SPTBN1: variants seen among roughly 807,000 people sequenced by gnomAD.
SPTBN1 encodes spectrin beta, non-erythrocytic 1.
A neutral mutation model predicts 266.4 loss-of-function variants in SPTBN1; 32 were observed. The ratio of observed to expected loss-of-function variants is 0.12; its 90% CI spans 0.09 to 0.16. SPTBN1 has a LOEUF of 0.16. Among genes scored for constraint, SPTBN1 ranks in the 10% least tolerant of loss-of-function variants. The pLI is 1.00. For missense variants in SPTBN1, 2,296 were observed against 3,067.1 expected, an observed-to-expected ratio of 0.75 and a Z score of 5.94; for synonymous variants, 1,336 against 1,162.2, an observed-to-expected ratio of 1.15 and a Z score of -3.04.
At chr2:54,522,928 T>G (rs1343763817) in intron 1 of SPTBN1, among the ~76,000 whole-genome samples, 1 of 152,094 alleles carries the variant, frequency 6.6e-6, no homozygotes, top group Non-Finnish European at 1.5e-5. Context: ...GGGAGAGGCA[T>G]GCCTTGCTTG....
intron 2 of SPTBN1, among the ~76,000 whole-genome samples, chr2:54,528,875 G>A (rs1021434507): frequency 1.3e-5 from 2 of 152,104 alleles, no homozygotes; most frequent in African/African-American, 4.8e-5. Flanking sequence ...ATACTGGATG[G>A]GGGGGCAGGA....
intron 3 of SPTBN1, among the ~76,000 whole-genome samples, chr2:54,603,552 G>T (rs1412895144): frequency 6.6e-6 from 1 of 152,090 alleles, no homozygotes; most frequent in Non-Finnish European, 1.5e-5. Context: ...TTCCCATGGA[G>T]CCCTTAGGAG....
intron 1 of SPTBN1, among the ~76,000 whole-genome samples, chr2:54,486,746 AAAAG>A (rs1668417495): frequency 6.6e-6 from 1 of 152,024 alleles, no homozygotes; most frequent in Non-Finnish European, 1.5e-5. Context: ...TAAAAAAAAA[AAAAG>A]AAAATCTAAG....
chr2:54,470,122 G>C (rs1573213425), intron 1 of SPTBN1, among the ~76,000 whole-genome samples: 1 of 152,176 alleles, frequency 6.6e-6, no homozygotes. Flanking sequence ...TCTGACATAG[G>C]TTTCATCCTA....
At chr2:54,589,728 T>G (rs540186278) in intron 2 of SPTBN1, among the ~76,000 whole-genome samples, 1 of 152,368 alleles carries the variant, frequency 6.6e-6, no homozygotes, top group South Asian at 2.1e-4. Context: ...TTCCTGTTGC[T>G]GCCTCAAGAT....
At position 54,656,052 on chromosome 2, in the gene SPTBN1, C is replaced by T. The variant is rs187988531; in HGVS notation, c.6046+54C>T. ...TTTGGGTATCAATGGAAAACATGCA[C>T]GTTTATTTTCTTGCTTTAATTCATT... is the stretch of plus-strand genomic sequence containing the variant. On this transcript the variant is annotated intron_variant, in intron 29 of 35. Coordinates refer to ENST00000356805, the MANE Select transcript of SPTBN1 (RefSeq NM_003128.3). The T allele has an allele frequency of 4.5e-4, 648 of 1,452,636 alleles. 3 individuals carry two copies. The African/African-American group carries it at 6.6e-3, about 15-fold the overall frequency. The allele number at this position is 1,452,636 out of a possible 1,614,324, so 90.0% of individuals were successfully genotyped here.
chr2:54,558,759 G>T lies in SPTBN1; in HGVS notation c.148+32193G>T. On this transcript the variant is annotated intron_variant, in intron 2 of 35. Coordinates refer to ENST00000356805, the MANE Select transcript of SPTBN1 (RefSeq NM_003128.3). This position sits in a 1 kb window ranked among gnomAD's most constrained non-coding sequence, Gnocchi z 4.6. Reference sequence around the variant, plus strand: ...CGAGATTTCCAGGGCGCAGTCCTCCGGGGCGTTACGCCGGGCATAATGGAA... The same window carrying T: ...CGAGATTTCCAGGGCGCAGTCCTCCTGGGCGTTACGCCGGGCATAATGGAA... The T allele has an allele frequency of 6.2e-7, 1 of 1,609,344 alleles. No homozygotes were observed. Among genetic ancestry groups the T allele is most frequent in the East Asian group, 2.2e-5 (1 of 44,498 alleles).
At chr2:54,565,052 A>T (rs957860418) in intron 2 of SPTBN1, among the ~76,000 whole-genome samples, 1 of 152,002 alleles carries the variant, frequency 6.6e-6, no homozygotes, top group Non-Finnish European at 1.5e-5. Context: ...TCATCTGGGA[A>T]TTGGCTAGAA....
chr2:54,554,073 T>G lies in SPTBN1; in HGVS notation c.148+27507T>G, dbSNP rs1672729041. Among the ~76,000 whole-genome samples the G allele has an allele frequency of 6.6e-6, 1 of 152,214 alleles. No homozygotes were observed. On this transcript the variant is annotated intron_variant, in intron 2 of 35. Transcript: ENST00000356805. This position sits in a 1 kb window ranked among gnomAD's most constrained non-coding sequence, Gnocchi z 4.5. The stretch of plus-strand genomic sequence containing the variant: ...GCTCTAGGTGAACTAGCAGAGCATG[T>G]GCCTAATCCTGACTCAAAACTAAAT...
intron 1 of SPTBN1, among the ~76,000 whole-genome samples, chr2:54,524,565 A>G (rs1027462363): frequency 2.0e-5 from 3 of 152,140 alleles, no homozygotes; most frequent in Non-Finnish European, 1.5e-5. Context: ...TCATTTCTGG[A>G]GTAGCCTCCC....
At chr2:54,481,403 T>A (rs1332793856) in intron 1 of SPTBN1, among the ~76,000 whole-genome samples, 85 of 82,990 alleles carry the variant, frequency 1.0e-3, no homozygotes, top group African/African-American at 4.7e-3. Flanking sequence ...TGTGTGTGTG[T>A]GTGTGTGTGT....
intron 2 of SPTBN1, among the ~76,000 whole-genome samples, chr2:54,585,943 G>C (rs1444621188): frequency 1.3e-5 from 2 of 152,192 alleles, no homozygotes; most frequent in African/African-American, 4.8e-5. Context: ...ATTACTTCCT[G>C]AATGAAGAAT....
At chr2:54,471,362 C>T (rs753466778) in intron 1 of SPTBN1, among the ~76,000 whole-genome samples, 33 of 152,134 alleles carry the variant, frequency 2.2e-4, no homozygotes, top group Non-Finnish European at 3.8e-4. Flanking sequence ...TTTCTTTGGG[C>T]AGTAAGGCAT....
At chr2:54,615,995 T>C (rs903927735) in intron 4 of SPTBN1, among the ~76,000 whole-genome samples, 5 of 152,224 alleles carry the variant, frequency 3.3e-5, no homozygotes, top group African/African-American at 7.2e-5. Context: ...CCCGTCAGCC[T>C]TCTGTCTGTG....
intron 2 of SPTBN1, among the ~76,000 whole-genome samples, chr2:54,538,143 A>G (rs1410239525): frequency 6.6e-6 from 1 of 152,276 alleles, no homozygotes; most frequent in African/African-American, 2.4e-5. Context: ...AAGGAGCCCA[A>G]TAATGGACAG....
At position 54,659,925 on chromosome 2, in the gene SPTBN1, T is replaced by G; in HGVS notation, c.6357-11T>G. 6.2e-7 allele frequency: 1 copy of G among 1,612,830 alleles called. No individual in the cohort carries two copies. Among genetic ancestry groups the G allele is most frequent in the Non-Finnish European group, 8.5e-7 (1 of 1,179,084 alleles). On this transcript the variant is annotated splice_polypyrimidine_tract_variant and intron_variant, in intron 31 of 35. Coordinates refer to ENST00000356805, the MANE Select transcript of SPTBN1 (RefSeq NM_003128.3). ...CCTTTCCCTTCCTCCTTTTCCCCTC[T>G]TCCCTAACAGGGATACTTCAAAAGG...
At position 54,568,329 on chromosome 2, in the gene SPTBN1, A is replaced by G. The variant is rs376648658; in HGVS notation, c.149-30763A>G. ...TGCACCACTGCATTCCAGCCTGGGC[A>G]ACAGAGTAAGACTCTGTCTCAAAAA... On this transcript the variant is annotated intron_variant, in intron 2 of 35. Transcript: ENST00000356805. 5.6e-5 allele frequency among the ~76,000 whole-genome samples: 8 copies of G among 142,956 alleles called. No individual in the cohort carries two copies. The East Asian group carries it at 1.4e-3, about 26-fold the overall frequency. 93.8% of individuals were successfully genotyped at this position (142,956 alleles called of 152,430 possible).
At chr2:54,655,575 C>T (rs575149967) in intron 28 of SPTBN1, among the ~76,000 whole-genome samples, 3 of 152,290 alleles carry the variant, frequency 2.0e-5, no homozygotes, top group Non-Finnish European at 2.9e-5. Flanking sequence ...TTATTAGGTG[C>T]GTGTGTGGCC....
chr2:54,660,037 AC>A, intron 32 of SPTBN1, 38 bp downstream of exon 32: 1 of 1,614,162 alleles, frequency 6.2e-7, no homozygotes, highest in East Asian at 2.2e-5. Flanking sequence ...AACTACAAAA[AC>A]TTTAATAGCA....
Sources: allele counts gnomAD v4.1 joint callset (sites outside exome capture counted in the v4.1 genomes callset), GRCh38; gene constraint gnomAD v4.1.1; non-coding constraint Gnocchi (gnomAD v3.1); transcripts MANE v1.5; gene names NCBI Gene and HGNC (gene_info 2026-07-23, HGNC 2026-07-21).